Variants in FER observed in about 807,000 individuals in gnomAD.
FER encodes the protein FER tyrosine kinase, also known as tyrosine-protein kinase Fer.
In FER, 63 loss-of-function variants were observed where a neutral mutation model predicts 111.0. That is an observed-to-expected ratio of 0.57 (90% CI 0.46 to 0.70). The LOEUF is 0.70. Ranked by LOEUF, FER falls within the 30% of genes least tolerant of loss-of-function variation. FER has a pLI of 0.00. For synonymous variants in FER, 327 were observed against 313.9 expected (o/e 1.04, Z -0.44); for missense variants, 914 against 954.0 (o/e 0.96, Z 0.55).
chr5:109,146,211 T>TTATATATATATATATTATATATCTA (rs1561953380), intron 17 of FER, among the ~76,000 whole-genome samples: 1 of 103,926 alleles, frequency 9.6e-6, no homozygotes, highest in South Asian at 2.9e-4. Flanking sequence ...CTATCTATTT[T>TTATATATATATATATTATATATCTA]ATATATATAT....
chr5:109,038,807 T>C (rs1770754017), intron 14 of FER, among the ~76,000 whole-genome samples: 1 of 152,020 alleles, frequency 6.6e-6, no homozygotes. Context: ...AGGCAGAATA[T>C]GTTTAGAAGG....
At chr5:108,885,170 G>A (rs1561561574) in intron 9 of FER, among the ~76,000 whole-genome samples, 1 of 151,824 alleles carries the variant, frequency 6.6e-6, no homozygotes, top group East Asian at 1.9e-4. Flanking sequence ...GAACTCCGTG[G>A]CCATGTAACC....
intron 14 of FER, among the ~76,000 whole-genome samples, chr5:109,041,887 C>A (rs2149894417): frequency 6.6e-6 from 1 of 152,206 alleles, no homozygotes; most frequent in Admixed American, 6.5e-5. Flanking sequence ...TGTGTTCTAT[C>A]TGCAGGGCAT....
chr5:109,160,744 A>G (rs1755901737), intron 17 of FER, among the ~76,000 whole-genome samples: 1 of 152,172 alleles, frequency 6.6e-6, no homozygotes, highest in Admixed American at 6.6e-5. Context: ...CAGAATGTCA[A>G]CTGTCTGGGT....
chr5:108,938,727 A>C (rs1755856206), intron 10 of FER, among the ~76,000 whole-genome samples: 1 of 152,038 alleles, frequency 6.6e-6, no homozygotes, highest in Non-Finnish European at 1.5e-5. Flanking sequence ...GAGATTGAAA[A>C]ATGGTTACAG....
In FER at chr5:109,097,048, C is replaced by T. The variant is rs1053433499; in HGVS notation, c.1925-3348C>T. Reference sequence around the variant, plus strand: ...ATAGTAATAGTATTTATTGTGTGTACTGTGTGCTAGGCACATGCTTGATAC... The same window carrying T: ...ATAGTAATAGTATTTATTGTGTGTATTGTGTGCTAGGCACATGCTTGATAC... On this transcript the variant is annotated intron_variant, in intron 16 of 19. Coordinates refer to ENST00000281092, the MANE Select transcript of FER (RefSeq NM_005246.4). Among the ~76,000 whole-genome samples the T allele has an allele frequency of 2.7e-5, 4 of 149,858 alleles. No individual in the cohort carries two copies. The South Asian group carries it at 8.4e-4, about 31-fold the overall frequency.
chr5:109,115,651 GTTTT>G (rs1293202277), intron 17 of FER, among the ~76,000 whole-genome samples: 1 of 139,394 alleles, frequency 7.2e-6, no homozygotes, highest in African/African-American at 2.7e-5. Flanking sequence ...ATTTTGTGCA[GTTTT>G]TGTTTGTTTG....
At chr5:108,856,931 A>G (rs1420605662) in intron 5 of FER, among the ~76,000 whole-genome samples, 1 of 152,178 alleles carries the variant, frequency 6.6e-6, no homozygotes, top group Non-Finnish European at 1.5e-5. Context: ...AGGCTAAATA[A>G]TACCAGTTCT....
chr5:108,939,298 A>G (rs1490152209), intron 10 of FER, among the ~76,000 whole-genome samples: 4 of 152,110 alleles, frequency 2.6e-5, no homozygotes, highest in Non-Finnish European at 4.4e-5. Flanking sequence ...GTAAGTTAAT[A>G]TATTGTTTTG....
intron 2 of FER, among the ~76,000 whole-genome samples, chr5:108,774,771 C>T (rs542054458): frequency 4.2e-4 from 63 of 150,462 alleles, no homozygotes; most frequent in African/African-American, 1.5e-3. Flanking sequence ...TGTTTTAGTT[C>T]CTTGAAAATT....
chr5:109,124,876 C>A (rs1160435082), intron 17 of FER, among the ~76,000 whole-genome samples: 1 of 152,006 alleles, frequency 6.6e-6, no homozygotes, highest in Admixed American at 6.6e-5. Context: ...GAAACCCCGT[C>A]TCCACTAAAA....
At chr5:108,810,699 C>A (rs981375785) in intron 3 of FER, among the ~76,000 whole-genome samples, 2 of 152,120 alleles carry the variant, frequency 1.3e-5, no homozygotes, top group Non-Finnish European at 2.9e-5. Context: ...AGTAGGTGCT[C>A]CCAGTGGAGA....
chr5:109,025,359 G>A (rs1768554814), intron 13 of FER, among the ~76,000 whole-genome samples: 1 of 152,086 alleles, frequency 6.6e-6, no homozygotes, highest in African/African-American at 2.4e-5. Context: ...TGGATTCCTA[G>A]GTATTTTATT....
intron 17 of FER, among the ~76,000 whole-genome samples, chr5:109,125,703 A>G (rs899992198): frequency 1.3e-5 from 2 of 152,358 alleles, no homozygotes; most frequent in East Asian, 1.9e-4. Context: ...TTAAGGTAAC[A>G]GAACTGGATT....
Position 108,944,140 on chromosome 5 carries a change from CAA to C in FER, c.1237-1988_1237-1987del, listed in dbSNP as rs1491319875. 4.6e-5 allele frequency among the ~76,000 whole-genome samples: 7 copies of C among 151,080 alleles called. No homozygotes were observed. In the South Asian group the frequency reaches 1.1e-3, roughly 23 times the overall value. On this transcript the variant is annotated intron_variant, in intron 10 of 19. Transcript: ENST00000281092. ...ACACACACACACACACACACACACA[CAA>C]ACACACACACTGTCTCATTTAATTT...
chr5:109,010,878 T>C (rs1439350631), intron 13 of FER, among the ~76,000 whole-genome samples: 1 of 152,174 alleles, frequency 6.6e-6, no homozygotes, highest in African/African-American at 2.4e-5. Context: ...TTGAATATTT[T>C]TGGCAAAAGT....
intron 5 of FER, 33 bp downstream of exon 5, chr5:108,835,840 G>C: frequency 8.0e-7 from 1 of 1,246,562 alleles, no homozygotes; most frequent in Admixed American, 2.5e-5. Flanking sequence ...GTTTACTTAG[G>C]TGATTTTTAT....
chr5:109,083,545 G>A (rs1044958989), intron 16 of FER, among the ~76,000 whole-genome samples: 5 of 151,906 alleles, frequency 3.3e-5, no homozygotes, highest in Admixed American at 2.0e-4. Flanking sequence ...TTTTATTTGC[G>A]ACATTCCTCT....
At chr5:108,916,704 A>G (rs1374670232) in intron 10 of FER, among the ~76,000 whole-genome samples, 1 of 152,226 alleles carries the variant, frequency 6.6e-6, no homozygotes, top group East Asian at 1.9e-4. Flanking sequence ...ATTAGGCCCC[A>G]GTGTAGGTGT....
Sources: allele counts gnomAD v4.1 joint callset (sites outside exome capture counted in the v4.1 genomes callset), GRCh38; gene constraint gnomAD v4.1.1; transcripts MANE v1.5; gene names NCBI Gene and HGNC (gene_info 2026-07-23, HGNC 2026-07-21).